DCC: variants seen among roughly 807,000 people sequenced by gnomAD.
The protein encoded by DCC is netrin receptor DCC.
In DCC, 58 loss-of-function variants were observed where a neutral mutation model predicts 172.5. The observed-to-expected ratio is 0.34, with a 90% confidence interval of 0.27 to 0.42. The LOEUF (loss-of-function observed/expected upper bound fraction) is 0.42, where lower values mean the gene tolerates loss of function less well. DCC is among the 10% of genes least tolerant of loss of function. The probability of loss-of-function intolerance (pLI) is 1.00; values close to 1 mark genes in which losing one functional copy is unlikely to be tolerated. For synonymous variants in DCC, 709 were observed against 644.5 expected (o/e 1.10, Z -1.52); for missense variants, 1,740 against 1,791.0 (o/e 0.97, Z 0.51).
rs1032768352 is a variant in DCC, at chr18:53,459,248, A to G, written c.3409A>G (p.Ser1137Gly). 2.2e-5 allele frequency: 35 copies of G among 1,613,858 alleles called. No homozygotes were observed. Among genetic ancestry groups the G allele is most frequent in the Non-Finnish European group, 2.6e-5 (31 of 1,179,866 alleles). The change falls in exon 24 of 29, where the codon AGT becomes GGT. Residue 1137 changes from serine (S) to glycine (G), a missense_variant. This residue lies in a region of DCC where 1,732 missense variants were observed against 1,767.4 expected (regional missense o/e 0.98). Coordinates refer to ENST00000442544, the MANE Select transcript of DCC (RefSeq NM_005215.4). ...GTTCCATAGGAAACGGGCCACCCAC[A>G]GTGCTGGCAAAAGGAAGGGCAGCCA... is the stretch of plus-strand genomic sequence containing the variant. ...AQQRKKRATH[S>G]AGKRKGSQKD... is the part of the protein sequence containing the mutation.
At chr18:52,827,870 C>T (rs949796153) in intron 2 of DCC, among the ~76,000 whole-genome samples, 4 of 152,154 alleles carry the variant, frequency 2.6e-5, no homozygotes, top group Admixed American at 2.0e-4. Context: ...GGGCTGGGTT[C>T]GTAGGTGTGT....
At chr18:53,491,440 C>A (rs755471336) in intron 26 of DCC, among the ~76,000 whole-genome samples, 1 of 152,056 alleles carries the variant, frequency 6.6e-6, no homozygotes, top group Non-Finnish European at 1.5e-5. Flanking sequence ...TATACACGTG[C>A]CATGGTGGTT....
At chr18:52,994,526 T>TTAC (rs2041448865) in intron 5 of DCC, among the ~76,000 whole-genome samples, 3 of 152,202 alleles carry the variant, frequency 2.0e-5, no homozygotes, top group African/African-American at 7.2e-5. Context: ...CATACTTCAG[T>TTAC]GAGTCAGTGT....
chr18:53,417,271 T>C (rs1265381373), intron 21 of DCC, among the ~76,000 whole-genome samples: 1 of 152,230 alleles, frequency 6.6e-6, no homozygotes, highest in Non-Finnish European at 1.5e-5. Context: ...CATTCTTCTC[T>C]GGCGATGTAT....
intron 5 of DCC, among the ~76,000 whole-genome samples, chr18:52,942,498 C>T (rs2040479313): frequency 6.6e-6 from 1 of 152,054 alleles, no homozygotes; most frequent in African/African-American, 2.4e-5. Flanking sequence ...AAGACATAAT[C>T]GGGGCTGGAA....
At chr18:53,134,409 A>G (rs1489736243) in intron 7 of DCC, among the ~76,000 whole-genome samples, 2 of 152,020 alleles carry the variant, frequency 1.3e-5, no homozygotes, top group East Asian at 1.9e-4. Flanking sequence ...TCTGAACTAC[A>G]CTCTCAATCT....
At chr18:53,351,027 AT>A (rs145312558) in intron 15 of DCC, among the ~76,000 whole-genome samples, 6,840 of 149,696 alleles carry the variant, frequency 0.046, 563 homozygotes, top group African/African-American at 0.16. Context: ...CTCTTTTATG[AT>A]TTTTTTTTGA....
At chr18:52,698,764 AT>A (rs34646550) in intron 1 of DCC, among the ~76,000 whole-genome samples, 5,959 of 134,102 alleles carry the variant, frequency 0.044, 136 homozygotes, top group African/African-American at 0.069. Flanking sequence ...ACGCCTGGCT[AT>A]TTTTTTTTTT....
At chr18:52,845,315 A>G (rs2038867441) in intron 2 of DCC, among the ~76,000 whole-genome samples, 1 of 152,232 alleles carries the variant, frequency 6.6e-6, no homozygotes, top group Non-Finnish European at 1.5e-5. Flanking sequence ...TCAAAGCTTT[A>G]TATTGACACA....
At chr18:52,464,408 G>T (rs560172554) in intron 1 of DCC, among the ~76,000 whole-genome samples, 1 of 152,232 alleles carries the variant, frequency 6.6e-6, no homozygotes, top group African/African-American at 2.4e-5. Context: ...GTAGATAAAT[G>T]TTAACAGAAT....
chr18:53,112,575 AT>A (rs1391396681), intron 7 of DCC, among the ~76,000 whole-genome samples: 1 of 151,498 alleles, frequency 6.6e-6, no homozygotes, highest in African/African-American at 2.4e-5. Flanking sequence ...AATGTAATGG[AT>A]TTATGAGAGT....
At chr18:52,588,866 C>CTT (rs373655091) in intron 1 of DCC, among the ~76,000 whole-genome samples, 8 of 146,232 alleles carry the variant, frequency 5.5e-5, no homozygotes, top group Admixed American at 6.9e-5. Flanking sequence ...CCAACAGCAT[C>CTT]TTTTTTTTTT....
intron 14 of DCC, 81 bp from the exon 15 acceptor site, chr18:53,339,632 T>C (rs753322169): frequency 3.2e-5 from 34 of 1,056,740 alleles, no homozygotes; most frequent in Middle Eastern, 2.1e-4. Flanking sequence ...TGAAATATGA[T>C]TTCTCTTGCT....
intron 20 of DCC, among the ~76,000 whole-genome samples, chr18:53,413,953 A>G (rs1910144734): frequency 1.3e-5 from 2 of 152,178 alleles, no homozygotes; most frequent in Non-Finnish European, 2.9e-5. Flanking sequence ...CTCAGTTCAA[A>G]ATCGTATTCC....
At chr18:53,157,236 GCT>G (rs1411158626) in intron 7 of DCC, 118 bp from the exon 8 acceptor site, 2 of 1,231,760 alleles carry the variant, frequency 1.6e-6, no homozygotes, top group Non-Finnish European at 2.4e-6. Flanking sequence ...TTTCTTCCTT[GCT>G]TTAGAATCAA....
At chr18:53,342,478 C>A (rs2057670523) in intron 15 of DCC, among the ~76,000 whole-genome samples, 2 of 151,690 alleles carry the variant, frequency 1.3e-5, no homozygotes, top group African/African-American at 2.4e-5. Context: ...ATCAATTTAT[C>A]TATCTTTATA....
rs1199713613 is a variant in DCC, at chr18:53,532,117, A to T, written c.*1464A>T. 1.3e-5 allele frequency: 2 copies of T among 152,170 alleles called. No homozygotes were observed. The highest frequency in any genetic ancestry group is 2.9e-5 in the Non-Finnish European group (2 of 68,030). The allele number at this position is 152,170 out of a possible 1,614,324, so 9.4% of individuals were successfully genotyped here. On this transcript the variant is annotated 3_prime_UTR_variant, in exon 29 of 29. Coordinates refer to ENST00000442544, the MANE Select transcript of DCC (RefSeq NM_005215.4). ...ATCAGTTAGGTGACTTGAAAACCCAATGAGAGAGTTTCAGCTGAATTATTC... is the reference window on the plus strand; with the variant it reads ...ATCAGTTAGGTGACTTGAAAACCCATTGAGAGAGTTTCAGCTGAATTATTC...
rs2056778692 is a variant in DCC, at chr18:53,274,083, G to A, written c.1912-31495G>A. Among the ~76,000 whole-genome samples, 4 of 151,808 alleles carry A rather than the reference G, an allele frequency of 2.6e-5. No individual in the cohort carries two copies. In the South Asian group the frequency reaches 6.2e-4, roughly 24 times the overall value. The stretch of plus-strand genomic sequence containing the variant: ...GAAAACAAAATAGGTGAAGGAGGGG[G>A]CAAAACAGGAGGAAACTATGCTACC... On this transcript the variant is annotated intron_variant, in intron 12 of 28. Transcript: ENST00000442544.
intron 1 of DCC, among the ~76,000 whole-genome samples, chr18:52,374,963 T>A (rs981447673): frequency 6.6e-6 from 1 of 152,218 alleles, no homozygotes; most frequent in African/African-American, 2.4e-5. Context: ...TCCAATGCCA[T>A]GTCACTGACC....
Sources: allele counts gnomAD v4.1 joint callset (sites outside exome capture counted in the v4.1 genomes callset), GRCh38; gene constraint gnomAD v4.1.1; regional missense constraint gnomAD v4.1.1; transcripts MANE v1.5; gene names NCBI Gene and HGNC (gene_info 2026-07-23, HGNC 2026-07-21).